The following GRAMD4 variants were observed in gnomAD, a reference collection of about 807,000 sequenced individuals.
The protein encoded by GRAMD4 is GRAM domain-containing protein 4.
Under a neutral mutation model 83.9 loss-of-function variants are expected in GRAMD4, and 25 were observed. The observed-to-expected ratio is 0.30, with a 90% CI of 0.22 to 0.42. GRAMD4 has a LOEUF of 0.42. Ranked by LOEUF, GRAMD4 falls within the 10% of genes least tolerant of loss-of-function variation. The pLI is 1.00. For missense variants in GRAMD4, 593 were observed against 788.7 expected (o/e 0.75, Z 2.97); for synonymous variants, 336 against 320.9 (o/e 1.05, Z -0.50).
chr22:46,679,456 C>G lies in GRAMD4; in HGVS notation c.*2205C>G. On this transcript the variant is annotated 3_prime_UTR_variant, in exon 19 of 19. Transcript: ENST00000406902. The stretch of plus-strand genomic sequence containing the variant: ...TCCCTGGAAGTCCTCGGGAGCGGAG[C>G]GCGGATCGGCACGGGCTCTGGGCTC... The G allele has an allele frequency of 5.1e-6, 5 of 985,552 alleles. No individual in the cohort carries two copies. The highest frequency in any genetic ancestry group is 6.0e-6 in the Non-Finnish European group (5 of 829,916). The allele number at this position is 985,552 out of a possible 1,614,324, so 61.1% of individuals were successfully genotyped here. A position where few individuals can be genotyped will look rare whatever the true frequency, so the allele number is the denominator to read the frequency against.
At chr22:46,605,630 G>C (rs1280143714) in intron 1 of GRAMD4, among the ~76,000 whole-genome samples, 1 of 152,252 alleles carries the variant, frequency 6.6e-6, no homozygotes, top group Non-Finnish European at 1.5e-5. Flanking sequence ...CTGAGTTTTT[G>C]ATCATGGCCG....
intron 2 of GRAMD4, among the ~76,000 whole-genome samples, chr22:46,629,219 G>T (rs2147178655): frequency 6.6e-6 from 1 of 152,278 alleles, no homozygotes; most frequent in Middle Eastern, 3.4e-3. Context: ...AGACCAGGCT[G>T]AGTTCCTTAG....
intron 2 of GRAMD4, among the ~76,000 whole-genome samples, chr22:46,635,388 C>T (rs74217212): frequency 1.1e-4 from 5 of 43,480 alleles, no homozygotes; most frequent in Non-Finnish European, 2.3e-4. Flanking sequence ...CCCCCGCCCC[C>T]GGCCACTCCT....
intron 15 of GRAMD4, 74 bp from the exon 16 acceptor site, chr22:46,674,583 C>A (rs574572315): frequency 9.7e-7 from 1 of 1,034,490 alleles, no homozygotes; most frequent in East Asian, 2.4e-5. Flanking sequence ...GAGTCAGGCT[C>A]CTGGGTCCCA....
upstream of GRAMD4, among the ~76,000 whole-genome samples, chr22:46,616,159 T>A (rs111166346): frequency 1.5e-5 from 2 of 132,346 alleles, no homozygotes; most frequent in Non-Finnish European, 3.2e-5. Context: ...CCTGTGTGTG[T>A]AGGTTCCCCT....
intron 3 of GRAMD4, among the ~76,000 whole-genome samples, chr22:46,655,663 T>C (rs1601645780): frequency 6.6e-6 from 1 of 152,074 alleles, no homozygotes; most frequent in South Asian, 2.1e-4. Context: ...CAGCCCTGGG[T>C]CAGGGGCCCT....
At chr22:46,611,317 GGT>G (rs1208883366) in intron 1 of GRAMD4, among the ~76,000 whole-genome samples, 1 of 152,150 alleles carries the variant, frequency 6.6e-6, no homozygotes, top group Non-Finnish European at 1.5e-5. Context: ...GCTGCCATAT[GGT>G]GTGATGGATG....
intron 1 of GRAMD4, among the ~76,000 whole-genome samples, chr22:46,611,189 C>A (rs1472258841): frequency 6.7e-6 from 1 of 149,388 alleles, no homozygotes; most frequent in Non-Finnish European, 1.5e-5. Flanking sequence ...GCAGTCCAGC[C>A]TGGGTAACAG....
At chr22:46,671,080 A>G (rs766775852) in intron 13 of GRAMD4, 22 of 468,920 alleles carry the variant, frequency 4.7e-5, no homozygotes, top group Non-Finnish European at 9.3e-5. Flanking sequence ...TTAGAGGGGC[A>G]GAGGCTGCCT....
intron 3 of GRAMD4, among the ~76,000 whole-genome samples, chr22:46,644,727 T>TAC (rs2082046773): frequency 7.5e-6 from 1 of 134,136 alleles, no homozygotes; most frequent in African/African-American, 2.8e-5. Context: ...TTTTTTTTTT[T>TAC]TTTTTTTACT....
chr22:46,680,942 C>T (rs1310629536), downstream of GRAMD4, among the ~76,000 whole-genome samples: 1 of 125,880 alleles, frequency 7.9e-6, no homozygotes, highest in East Asian at 3.0e-4. Context: ...ACCCACCCAC[C>T]CACCCACCCA....
At chr22:46,650,356 TGCGTGTCGAGGCTGGGTGGAGGG>T (rs750263641) in intron 3 of GRAMD4, among the ~76,000 whole-genome samples, 12,615 of 150,324 alleles carry the variant, frequency 0.084, 668 homozygotes, top group African/African-American at 0.15. Flanking sequence ...GGTGGAGGGC[TGCGTGTCGAGGCTGGGTGGAGGG>T]CTGGGCGTCG....
rs952735324 is a variant in GRAMD4 at position 46,581,086 on chromosome 22, T to G, written c.-50+3796T>G. On this transcript the variant is annotated intron_variant, in intron 1 of 1. Transcript: ENST00000431155. ...GTGGCAGAGGCCTGGGCGGACACTT[T>G]GGGCTGGTAATTCGCCACTAATGAC... Among the ~76,000 whole-genome samples, 8 of 152,212 alleles carry G rather than the reference T, an allele frequency of 5.3e-5. No homozygotes were observed. In the East Asian group the frequency reaches 1.5e-3, roughly 29 times the overall value.
At chr22:46,577,411 G>GCCGCCGCCGCCA in intron 1 of GRAMD4, 2 of 493,926 alleles carry the variant, frequency 4.0e-6, no homozygotes, top group Non-Finnish European at 5.2e-6. Flanking sequence ...CGCCGCCGCC[G>GCCGCCGCCGCCA]CCGCCCGGGC....
chr22:46,679,131 A>T lies in GRAMD4; in HGVS notation c.*1880A>T, dbSNP rs1314701748. The stretch of plus-strand genomic sequence containing the variant: ...GCTGCAGAGGCAGTGCCCGCAGACA[A>T]TGGCCACACCTCTCTCCCCAGGGCC... On this transcript the variant is annotated 3_prime_UTR_variant, in exon 19 of 19. Coordinates refer to ENST00000406902, the MANE Select transcript of GRAMD4 (RefSeq NM_015124.5). 4 of 985,380 alleles carry T rather than the reference A, an allele frequency of 4.1e-6. No individual in the cohort carries two copies. The highest frequency in any genetic ancestry group is 4.8e-6 in the Non-Finnish European group (4 of 829,974). The allele number at this position is 985,380 out of a possible 1,614,324, so 61.0% of individuals were successfully genotyped here. A position where few individuals can be genotyped will look rare whatever the true frequency, so the allele number is the denominator to read the frequency against.
chr22:46,669,620 G>T (rs2082469440), intron 13 of GRAMD4, among the ~76,000 whole-genome samples: 1 of 150,348 alleles, frequency 6.7e-6, no homozygotes, highest in African/African-American at 2.5e-5. Context: ...CTGTCGCCCA[G>T]GCTGGAGTGC....
intron 3 of GRAMD4, among the ~76,000 whole-genome samples, chr22:46,647,639 G>T (rs2082090290): frequency 6.6e-6 from 1 of 152,260 alleles, no homozygotes; most frequent in Non-Finnish European, 1.5e-5. Flanking sequence ...TTTGGATGAT[G>T]CCTGTGTTGA....
chr22:46,640,043 G>A (rs111844174), intron 3 of GRAMD4, among the ~76,000 whole-genome samples: 6,228 of 152,308 alleles, frequency 0.041, 207 homozygotes, highest in African/African-American at 0.086. Context: ...TGGCAGCAGG[G>A]GGCTGGCCCT....
rs150667253 is a variant in GRAMD4, at chr22:46,673,739, G to A, written c.1309G>A (p.Gly437Ser). 92 of 1,612,796 alleles carry A rather than the reference G, an allele frequency of 5.7e-5. No individual in the cohort carries two copies. Among genetic ancestry groups the A allele is most frequent in the Middle Eastern group, 1.6e-4 (1 of 6,082 alleles). ...PAGLGKEEDA[G>S]RFHSTKKGNF... is the part of the protein sequence containing the mutation. ...CGGCCTGGGTAAAGAGGAGGACGCC[G>A]GTCGCTTCCACAGCACCAAGAAGGG... Residue 437 changes from glycine (G) to serine (S), a missense_variant, in exon 15 of 19, where the codon GGT becomes AGT. Gly to Ser is a moderately conservative substitution (Grantham distance 56). Coordinates refer to ENST00000406902, the MANE Select transcript of GRAMD4 (RefSeq NM_015124.5).
Sources: allele counts gnomAD v4.1 joint callset (sites outside exome capture counted in the v4.1 genomes callset), GRCh38; gene constraint gnomAD v4.1.1; transcripts MANE v1.5; gene names NCBI Gene and HGNC (gene_info 2026-07-23, HGNC 2026-07-21).